The following PHLDB3 variants were observed in gnomAD, a reference collection of about 807,000 sequenced individuals.
The protein encoded by PHLDB3 is pleckstrin homology-like domain family B member 3.
PHLDB3 carries 86 observed loss-of-function variants against 85.7 expected under a neutral mutation model. The ratio of observed to expected loss-of-function variants is 1.00; its 90% confidence interval spans 0.84 to 1.20. The LOEUF is 1.20. PHLDB3 is among the 50% of genes most tolerant of loss of function. The probability of loss-of-function intolerance (pLI) is 0.00; values close to 1 mark genes in which losing one functional copy is unlikely to be tolerated. For missense variants in PHLDB3, 995 were observed against 873.0 expected (o/e 1.14, Z -1.76); for synonymous variants, 376 against 349.8 (o/e 1.07, Z -0.83).
At position 43,477,544 on chromosome 19, in the gene PHLDB3, C is replaced by T. The variant is rs547570541; in HGVS notation, c.1788+503G>A. ...AAAAAAAAAAGAGCCACGTGTGGTG[C>T]GGTGGTTCACGCCTGTAATCCCAGA... is the stretch of plus-strand genomic sequence containing the variant. On this transcript the variant is annotated intron_variant, in intron 15 of 15. Transcript: ENST00000292140. Among the ~76,000 whole-genome samples, 8 of 147,352 alleles carry T rather than the reference C, an allele frequency of 5.4e-5. No homozygotes were observed. In the South Asian group the frequency reaches 8.5e-4, roughly 16 times the overall value.
chr19:43,483,855 G>T lies in PHLDB3; in HGVS notation c.1485+2411C>A, dbSNP rs549219767. ...ACTGTGAAAAGATATTTTAGGTCAG[G>T]CATGATGGTTCAGGCCTATAATCTC... On this transcript the variant is annotated intron_variant, in intron 13 of 15. Coordinates refer to ENST00000292140, the MANE Select transcript of PHLDB3 (RefSeq NM_198850.4). Among the ~76,000 whole-genome samples the T allele has an allele frequency of 1.3e-3, 201 of 152,266 alleles. 1 individual carries two copies. The highest frequency in any genetic ancestry group is 4.5e-3 in the African/African-American group (185 of 41,548).
In PHLDB3 at chr19:43,482,244, G is replaced by A. The variant is rs28568283; in HGVS notation, c.1486-2651C>T. The stretch of plus-strand genomic sequence containing the variant: ...CTTGGGACTCCACCACTGCCCGGCT[G>A]TGTCACCTCCACAGAACTCCTGCCC... On this transcript the variant is annotated intron_variant, in intron 13 of 15. Transcript: ENST00000292140. Among the ~76,000 whole-genome samples the A allele has an allele frequency of 2.8e-3, 428 of 152,326 alleles. 4 individuals carry two copies. The highest frequency in any genetic ancestry group is 9.8e-3 in the African/African-American group (409 of 41,570).
chr19:43,490,756 T>C (rs549533398), intron 9 of PHLDB3, among the ~76,000 whole-genome samples: 21 of 152,254 alleles, frequency 1.4e-4, no homozygotes, highest in Admixed American at 7.2e-4. Flanking sequence ...GACCCCAGCT[T>C]TGTCTGCAGG....
intron 13 of PHLDB3, among the ~76,000 whole-genome samples, chr19:43,482,357 C>G (rs1177727757): frequency 6.6e-6 from 1 of 152,156 alleles, no homozygotes; most frequent in South Asian, 2.1e-4. Flanking sequence ...GCTGGCTGCC[C>G]TCAGGGTCTC....
chr19:43,491,186 T>C (rs1971303981), intron 9 of PHLDB3, among the ~76,000 whole-genome samples: 1 of 152,198 alleles, frequency 6.6e-6, no homozygotes, highest in Non-Finnish European at 1.5e-5. Context: ...CTAAGTCACG[T>C]TGCCTGGCAA....
intron 1 of PHLDB3, 103 bp from the exon 2 acceptor site, chr19:43,504,235 G>A: frequency 2.8e-6 from 3 of 1,061,976 alleles, no homozygotes; most frequent in Admixed American, 2.8e-5. Context: ...CAAGGAGGCG[G>A]GGCCTAAGAG....
rs141470268 is a variant in PHLDB3, at chr19:43,477,208, A to T, written c.1788+839T>A. ...AGAGTCTGCCATATTTTGGCTCTAA[A>T]ACTTTTGCTCCAAGAAAATTAACAG... On this transcript the variant is annotated intron_variant, in intron 15 of 15. Transcript: ENST00000292140. Among the ~76,000 whole-genome samples the T allele has an allele frequency of 5.4e-3, 823 of 152,278 alleles. 5 individuals are homozygous for T. The highest frequency in any genetic ancestry group is 8.1e-3 in the Non-Finnish European group (554 of 68,010).
In PHLDB3 at chr19:43,497,223, T is replaced by G; in HGVS notation, c.720A>C (p.Gln240His). The G allele has an allele frequency of 6.5e-7, 1 of 1,538,462 alleles. No homozygotes were observed. Among genetic ancestry groups the G allele is most frequent in the Non-Finnish European group, 8.7e-7 (1 of 1,144,308 alleles). ...CCTCCTGCCGGCTCTCCCGCTCCAG[T>G]TGCTGGAACTCCAGGTCCTCATAGG... ...QRAYEDLEFQ[Q>H]LERESRQEEE... is the part of the protein sequence containing the mutation. The change falls in exon 6 of 16, where the codon CAA becomes CAC. Residue 240 changes from glutamine to histidine, a missense_variant. Gln to His is a conservative substitution (Grantham distance 24, BLOSUM62 0). Transcript: ENST00000292140.
intron 13 of PHLDB3, among the ~76,000 whole-genome samples, chr19:43,485,548 T>C (rs1971136060): frequency 6.7e-6 from 1 of 148,790 alleles, no homozygotes; most frequent in Admixed American, 6.8e-5. Context: ...AAAAACAGTT[T>C]TTTGGTTTTG....
At chr19:43,485,746 G>A (rs1971141532) in intron 13 of PHLDB3, among the ~76,000 whole-genome samples, 1 of 151,018 alleles carries the variant, frequency 6.6e-6, no homozygotes, top group East Asian at 1.9e-4. Flanking sequence ...TAGTAGAGAT[G>A]GGGTTTCACC....
At chr19:43,496,369 C>A (rs1971458054) in intron 6 of PHLDB3, 1 of 152,082 alleles carries the variant, frequency 6.6e-6, no homozygotes, top group Non-Finnish European at 1.5e-5. Context: ...GTCAAACATG[C>A]CCATTTTTTC....
At chr19:43,499,137 C>T (rs1415075657) in intron 4 of PHLDB3, among the ~76,000 whole-genome samples, 1 of 151,406 alleles carries the variant, frequency 6.6e-6, no homozygotes, top group East Asian at 1.9e-4. Flanking sequence ...GGGGCCTGGG[C>T]GGTGGGGCTG....
chr19:43,486,754 T>G (rs1971171831), intron 11 of PHLDB3, 26 bp downstream of exon 11: 4 of 1,609,988 alleles, frequency 2.5e-6, no homozygotes, highest in Non-Finnish European at 3.4e-6. Flanking sequence ...TTCTTCCATC[T>G]CCCCACCTTC....
chr19:43,497,813 C>T lies in PHLDB3; in HGVS notation c.598G>A (p.Ala200Thr), dbSNP rs774329225. The T allele has an allele frequency of 3.2e-6, 5 of 1,563,128 alleles. No individual in the cohort carries two copies. Among genetic ancestry groups the T allele is most frequent in the Non-Finnish European group, 4.3e-6 (5 of 1,153,784 alleles). The change falls in exon 5 of 16, where the codon GCC (alanine) becomes ACC (threonine). Residue 200 changes from alanine to threonine, a missense_variant. Ala to Thr is a moderately conservative substitution (Grantham distance 58). Coordinates refer to ENST00000292140, the MANE Select transcript of PHLDB3 (RefSeq NM_198850.4). The stretch of plus-strand genomic sequence containing the variant: ...GGCTGTGAGTCGAGCTGTCCCTGGG[C>T]CTTGCGGAGTCTCTGGCGAAGACCC... ...LEGLRQRLRK[A>T]QGQLDSQPED...
chr19:43,497,334 G>C, intron 5 of PHLDB3, 55 bp from the exon 6 acceptor site: 2 of 1,306,968 alleles, frequency 1.5e-6, no homozygotes, highest in Non-Finnish European at 2.0e-6. Flanking sequence ...ACCCCAGGGA[G>C]TAGTGGGCTG....
intron 13 of PHLDB3, 43 bp from the exon 14 acceptor site, chr19:43,479,636 G>A (rs1203480804): frequency 1.4e-6 from 2 of 1,389,310 alleles, no homozygotes; most frequent in African/African-American, 1.4e-5. Flanking sequence ...AGGGGCGGGG[G>A]ATTCTACAGC....
At chr19:43,479,686 T>A in intron 13 of PHLDB3, 93 bp from the exon 14 acceptor site, 1 of 822,954 alleles carries the variant, frequency 1.2e-6, no homozygotes, top group Non-Finnish European at 2.0e-6. Context: ...GCAGCTTGCA[T>A]GTAAGGCCCG....
chr19:43,479,279 T>G, intron 14 of PHLDB3, 98 bp downstream of exon 14: 3 of 1,261,000 alleles, frequency 2.4e-6, no homozygotes, highest in Non-Finnish European at 3.3e-6. Context: ...CTGGGGAACA[T>G]GGAAAGTGGG....
chr19:43,483,532 G>C (rs1215456032), intron 13 of PHLDB3, among the ~76,000 whole-genome samples: 1 of 152,072 alleles, frequency 6.6e-6, no homozygotes, highest in East Asian at 1.9e-4. Context: ...TCCCACCTCG[G>C]CCTCTCAAAG....
Sources: gnomAD v4.1 joint callset for allele counts (sites outside exome capture counted in the v4.1 genomes callset) on GRCh38, gnomAD v4.1.1 for gene constraint, MANE v1.5 for transcripts, NCBI Gene and HGNC (gene_info 2026-07-23, HGNC 2026-07-21) for gene names.